The following PVT1 variants were observed in gnomAD, a reference collection of about 807,000 sequenced individuals.
PVT1 encodes the protein Pvt1 oncogene.
chr8:128,027,050 G>A (rs992977734), intron 4 of PVT1, among the ~76,000 whole-genome samples: 1 of 152,126 alleles, frequency 6.6e-6, no homozygotes, highest in Non-Finnish European at 1.5e-5. Context: ...CACCATGCAT[G>A]GTTCCCCTGC....
intron 4 of PVT1, among the ~76,000 whole-genome samples, chr8:128,000,009 C>A (rs960714553): frequency 6.6e-6 from 1 of 152,218 alleles, no homozygotes; most frequent in African/African-American, 2.4e-5. Flanking sequence ...TGCTCACAGG[C>A]CTTTGAATGT....
chr8:127,971,523 AG>A (rs60537883), intron 3 of PVT1, among the ~76,000 whole-genome samples: 6,277 of 152,282 alleles, frequency 0.041, 419 homozygotes, highest in African/African-American at 0.14. Context: ...GGCATAGAGC[AG>A]GGGCCCAATA....
chr8:127,904,749 G>T (rs536210985), intron 3 of PVT1, among the ~76,000 whole-genome samples: 10 of 152,224 alleles, frequency 6.6e-5, no homozygotes, highest in African/African-American at 1.4e-4. Flanking sequence ...GGGAGCACCT[G>T]GGCCTGTTGG....
chr8:128,053,410 A>G (rs866562444), intron 4 of PVT1, among the ~76,000 whole-genome samples: 3 of 149,420 alleles, frequency 2.0e-5, no homozygotes, highest in Non-Finnish European at 3.0e-5. Flanking sequence ...TTTTATATAT[A>G]TTGTATATAT....
At chr8:127,911,743 G>T (rs1815900983) in intron 3 of PVT1, among the ~76,000 whole-genome samples, 2 of 152,340 alleles carry the variant, frequency 1.3e-5, no homozygotes, top group South Asian at 4.1e-4. Context: ...CCTCTGCTGT[G>T]CTTTTATTTG....
intron 3 of PVT1, among the ~76,000 whole-genome samples, chr8:127,899,244 C>A (rs1815728755): frequency 6.6e-6 from 1 of 152,198 alleles, no homozygotes; most frequent in Non-Finnish European, 1.5e-5. Flanking sequence ...TAAGGGAGGA[C>A]ACTTGGCCTC....
chr8:127,822,168 C>T (rs905535232), intron 2 of PVT1, among the ~76,000 whole-genome samples: 1 of 152,188 alleles, frequency 6.6e-6, no homozygotes, highest in Non-Finnish European at 1.5e-5. Flanking sequence ...GTTTTAAGAG[C>T]TCAGTGAGTC....
intron 4 of PVT1, among the ~76,000 whole-genome samples, chr8:128,040,592 CTTAAG>C (rs1813518657): frequency 6.6e-6 from 1 of 152,264 alleles, no homozygotes; most frequent in Non-Finnish European, 1.5e-5. Flanking sequence ...GTATTTGGGA[CTTAAG>C]TTATTTAAGC....
chr8:127,954,829 T>C (rs1816550252), intron 3 of PVT1, among the ~76,000 whole-genome samples: 1 of 152,208 alleles, frequency 6.6e-6, no homozygotes, highest in African/African-American at 2.4e-5. Flanking sequence ...CTGTGAGCTC[T>C]GTACCATGGG....
chr8:127,842,146 T>C (rs1042905866), intron 2 of PVT1, among the ~76,000 whole-genome samples: 3 of 151,732 alleles, frequency 2.0e-5, no homozygotes, highest in Non-Finnish European at 2.9e-5. Context: ...GAAATAGTTT[T>C]TTGAATCCAT....
At chr8:127,973,023 C>T (rs938316136) in intron 3 of PVT1, among the ~76,000 whole-genome samples, 2 of 152,188 alleles carry the variant, frequency 1.3e-5, no homozygotes, top group Admixed American at 6.5e-5. Context: ...TCCCGAGTAG[C>T]TAGGACTACA....
chr8:128,090,459 TG>T (rs1207121387), intron 5 of PVT1, among the ~76,000 whole-genome samples: 3 of 152,118 alleles, frequency 2.0e-5, no homozygotes, highest in African/African-American at 7.2e-5. Context: ...AGGCTGACTT[TG>T]ATGGGGGGCT....
Position 127,914,260 on chromosome 8 carries a change from C to CAAAAAAA in PVT1, n.782+23296_782+23302dup, listed in dbSNP as rs60359946. Among the ~76,000 whole-genome samples, 83 of 47,840 alleles carry CAAAAAAA rather than the reference C, an allele frequency of 1.7e-3. 10 individuals carry two copies. The highest frequency in any genetic ancestry group is 3.0e-3 in the Non-Finnish European group (65 of 22,014). 31.4% of individuals were successfully genotyped at this position (47,840 alleles called of 152,430 possible). A position where few individuals can be genotyped will look rare whatever the true frequency, so the allele number is the denominator to read the frequency against. On this transcript the variant is annotated intron_variant and non_coding_transcript_variant, in intron 3 of 10. Transcript: ENST00000651587. ...AATTAAACACCACCACCACCAACAG[C>CAAAAAAA]AAAAAAAAAAAAAAAAAAAAAAAAA...
chr8:127,925,886 C>T (rs1170785476), intron 3 of PVT1, among the ~76,000 whole-genome samples: 1 of 152,168 alleles, frequency 6.6e-6, no homozygotes, highest in Non-Finnish European at 1.5e-5. Flanking sequence ...GGTGAGCCAC[C>T]CACCTCGGGC....
At position 128,067,115 on chromosome 8, in the gene PVT1, A is replaced by C. The variant is rs560082535; in HGVS notation, n.913-3045A>C. Among the ~76,000 whole-genome samples the C allele has an allele frequency of 1.0e-3, 152 of 152,164 alleles. 1 individual carries two copies. The highest frequency in any genetic ancestry group is 3.5e-3 in the African/African-American group (147 of 41,492). ...GACCACACAGTGCCCACACTCAATT[A>C]ATCTTTGACAATCTTGTTTTATCTT... is the stretch of plus-strand genomic sequence containing the variant. On this transcript the variant is annotated intron_variant and non_coding_transcript_variant, in intron 4 of 10. Transcript: ENST00000651587.
At chr8:128,022,094 A>G (rs1394287294) in intron 4 of PVT1, among the ~76,000 whole-genome samples, 1 of 152,190 alleles carries the variant, frequency 6.6e-6, no homozygotes, top group Non-Finnish European at 1.5e-5. Context: ...GCCCAGAACC[A>G]CTGAATCAGA....
In PVT1 at chr8:127,995,181, A is replaced by G. The variant is rs1362891412; in HGVS notation, n.912+5890A>G. 2.0e-5 allele frequency among the ~76,000 whole-genome samples: 3 copies of G among 152,070 alleles called. No individual in the cohort carries two copies. The East Asian group carries it at 5.8e-4, about 29-fold the overall frequency. ...TGTTGAGCCCCAGCTGACCCCTTTGATCCTTCACAGCCCCATCATTAAAAC... is the reference window on the plus strand; with the variant it reads ...TGTTGAGCCCCAGCTGACCCCTTTGGTCCTTCACAGCCCCATCATTAAAAC... On this transcript the variant is annotated intron_variant and non_coding_transcript_variant, in intron 4 of 10. Coordinates refer to ENST00000651587, the Ensembl canonical transcript of PVT1.
chr8:127,814,700 C>A (rs973750246), intron 2 of PVT1, among the ~76,000 whole-genome samples: 1 of 152,132 alleles, frequency 6.6e-6, no homozygotes, highest in African/African-American at 2.4e-5. Context: ...GCCATTGTAA[C>A]CATTTCTAAC....
At chr8:127,921,215 C>A (rs1000406282) in intron 3 of PVT1, among the ~76,000 whole-genome samples, 2 of 152,018 alleles carry the variant, frequency 1.3e-5, no homozygotes, top group African/African-American at 4.8e-5. Context: ...GTGCCGAGCG[C>A]TGAGTAGTGC....
Sources: allele counts gnomAD v4.1 joint callset (sites outside exome capture counted in the v4.1 genomes callset), GRCh38; gene constraint gnomAD v4.1.1; transcripts MANE v1.5; gene names NCBI Gene and HGNC (gene_info 2026-07-23, HGNC 2026-07-21).